Variants in WASHC2C observed in about 807,000 individuals in gnomAD.
WASHC2C encodes the protein Vaccinia Penetration Factor.
A neutral mutation model predicts 142.2 loss-of-function variants in WASHC2C; 73 were observed. The observed-to-expected ratio is 0.51, with a 90% CI of 0.43 to 0.62. The LOEUF is 0.62. Among genes scored for constraint, WASHC2C ranks in the 20% least tolerant of loss-of-function variants. The probability of loss-of-function intolerance (pLI) is 0.00; values close to 1 mark genes in which losing one functional copy is unlikely to be tolerated. For synonymous variants in WASHC2C, 337 were observed against 565.5 expected (o/e 0.60, Z 5.73); for missense variants, 969 against 1,531.7 (o/e 0.63, Z 6.13).
At chr10:45,754,911 G>A (rs1554876483) in intron 14 of WASHC2C, 25 bp from the exon 15 acceptor site, 5 of 1,611,762 alleles carry the variant, frequency 3.1e-6, no homozygotes, top group East Asian at 4.5e-5. Flanking sequence ...TCACAGCTGT[G>A]GCTGTCTTGT....
chr10:45,731,725 A>G (rs1440427459), intron 3 of WASHC2C, among the ~76,000 whole-genome samples: 1 of 152,126 alleles, frequency 6.6e-6, no homozygotes, highest in Non-Finnish European at 1.5e-5. Flanking sequence ...TAATACTGAG[A>G]AAACAGCTAA....
chr10:45,749,299 G>A (rs1317630741), intron 8 of WASHC2C, among the ~76,000 whole-genome samples: 5 of 151,154 alleles, frequency 3.3e-5, no homozygotes, highest in African/African-American at 4.9e-5. Flanking sequence ...GCCGGGCGTG[G>A]TGGCGGGTGC....
intron 20 of WASHC2C, among the ~76,000 whole-genome samples, chr10:45,771,364 C>CA (rs58095251): frequency 0.058 from 2,267 of 38,912 alleles, 101 homozygotes; most frequent in African/African-American, 0.11. Context: ...GACTCCATCT[C>CA]AAAAAAAAAA....
chr10:45,786,764 T>C, intron 27 of WASHC2C, 90 bp downstream of exon 27: 6 of 1,605,340 alleles, frequency 3.7e-6, no homozygotes, highest in Non-Finnish European at 5.1e-6. Flanking sequence ...CTGCCAAACA[T>C]CTTCTCATCT....
intron 23 of WASHC2C, 95 bp downstream of exon 23, chr10:45,779,230 C>T: frequency 1.2e-6 from 1 of 846,744 alleles, no homozygotes; most frequent in East Asian, 2.6e-5. Context: ...CTGAAGGAAT[C>T]TTAACCTTCA....
rs797033033 is a variant in WASHC2C, at chr10:45,749,851, A to ATATATATATATATATATATT, written c.733-240_733-239insATATATATATATATTTATAT. ...AAAAAAAAAAAATATATATATATATATATATTTATATATATATATATTTAT... is the reference window on the plus strand; with the variant it reads ...AAAAAAAAAAAATATATATATATATATATATATATATATATATATTTATATTTATATATATATATATTTAT... On this transcript the variant is annotated intron_variant, in intron 8 of 30. Coordinates refer to ENST00000623400, the MANE Select transcript of WASHC2C (RefSeq NM_001330074.2). Among the ~76,000 whole-genome samples, 343 of 107,988 alleles carry ATATATATATATATATATATT rather than the reference A, an allele frequency of 3.2e-3. 6 individuals are homozygous for ATATATATATATATATATATT. Among genetic ancestry groups the ATATATATATATATATATATT allele is most frequent in the African/African-American group, 0.013 (325 of 24,522 alleles). The allele number at this position is 107,988 out of a possible 152,430, so 70.8% of individuals were successfully genotyped here.
chr10:45,788,473 G>A (rs1295858272), intron 28 of WASHC2C, among the ~76,000 whole-genome samples: 14 of 152,202 alleles, frequency 9.2e-5, no homozygotes, highest in East Asian at 7.7e-4. Flanking sequence ...AGAATTCCCC[G>A]ATTCTTTCTT....
At chr10:45,758,606 C>CTTTTTTTTTTTTTTTTTTTTT (rs60416109) in intron 16 of WASHC2C, among the ~76,000 whole-genome samples, 1 of 128,172 alleles carries the variant, frequency 7.8e-6, no homozygotes, top group Non-Finnish European at 1.7e-5. Flanking sequence ...CATTCTTCTT[C>CTTTTTTTTTTTTTTTTTTTTT]TTTTTTTTTT....
In WASHC2C at chr10:45,752,637, C is replaced by G; in HGVS notation, c.1053C>G (p.Phe351Leu). Residue 351 changes from phenylalanine (F) to leucine (L), a missense_variant, in exon 12 of 31, where the codon TTC becomes TTG. By Grantham distance (22) the Phe-to-Leu change is conservative. Coordinates refer to ENST00000623400, the MANE Select transcript of WASHC2C (RefSeq NM_001330074.2). ...CCCCCAAGCTGACCGACGAGGACTT[C>G]TCGCCATTTGGCTCTGGAGGTGGCC... Reference protein sequence around the residue: ...FAPPKLTDEDFSPFGSGGGLF... With the variant: ...FAPPKLTDEDLSPFGSGGGLF... 1 of 1,609,906 alleles carries G rather than the reference C, an allele frequency of 6.2e-7. No individual in the cohort carries two copies. Among genetic ancestry groups the G allele is most frequent in the South Asian group, 1.1e-5 (1 of 90,938 alleles).
intron 5 of WASHC2C, among the ~76,000 whole-genome samples, chr10:45,742,457 G>C (rs1161901139): frequency 9.2e-5 from 14 of 151,722 alleles, no homozygotes; most frequent in African/African-American, 3.1e-4. Flanking sequence ...TGGGATTATA[G>C]GTGTGCGCCA....
chr10:45,764,906 C>T (rs2055606385), intron 18 of WASHC2C, among the ~76,000 whole-genome samples: 1 of 151,786 alleles, frequency 6.6e-6, no homozygotes, highest in Non-Finnish European at 1.5e-5. Context: ...CCGCACTCTC[C>T]TTAAAGGAGA....
intron 30 of WASHC2C, among the ~76,000 whole-genome samples, chr10:45,790,905 G>T (rs1336131160): frequency 1.3e-5 from 2 of 152,144 alleles, no homozygotes; most frequent in Non-Finnish European, 2.9e-5. Context: ...TGATGTGGTT[G>T]GTTGAGTCAG....
Position 45,787,178 on chromosome 10 carries a change from C to T in WASHC2C, c.3018C>T (p.Pro1006=), listed in dbSNP as rs202037187. ...GTCTGGAAAGTGTGCCTGTCCTTCC[C>T]GGGAGTGGGGAGGCCGGTGTGAGTT... ...SHGLESVPVL[P]GSGEAGVSFD... The change falls in exon 28 of 31, where the codon CCC becomes CCT. Residue 1006 remains proline, a synonymous_variant. Coordinates refer to ENST00000623400, the MANE Select transcript of WASHC2C (RefSeq NM_001330074.2). The T allele has an allele frequency of 5.7e-5, 88 of 1,557,084 alleles. No individual in the cohort carries two copies. The highest frequency in any genetic ancestry group is 6.9e-5 in the Non-Finnish European group (79 of 1,145,094).
At chr10:45,760,750 A>G (rs1182246079) in intron 17 of WASHC2C, among the ~76,000 whole-genome samples, 7 of 105,306 alleles carry the variant, frequency 6.6e-5, no homozygotes. Flanking sequence ...GCTAGCACAT[A>G]CCACGCTGTG....
chr10:45,773,934 G>A (rs1554885690), intron 21 of WASHC2C, among the ~76,000 whole-genome samples: 1 of 139,620 alleles, frequency 7.2e-6, no homozygotes, highest in Non-Finnish European at 1.6e-5. Flanking sequence ...ACGTAAACAT[G>A]GTGTAATTTA....
At chr10:45,743,538 A>G in intron 6 of WASHC2C, 55 bp downstream of exon 6, 1 of 1,584,198 alleles carries the variant, frequency 6.3e-7, no homozygotes, top group South Asian at 1.2e-5. Flanking sequence ...TTATTTTAAA[A>G]TAATTTCAAA....
chr10:45,736,564 C>T (rs2051303490), intron 3 of WASHC2C, among the ~76,000 whole-genome samples: 1 of 151,930 alleles, frequency 6.6e-6, no homozygotes, highest in Non-Finnish European at 1.5e-5. Flanking sequence ...CCTGCCACTG[C>T]ACTCCAGCCT....
At chr10:45,760,809 A>G (rs1390873938) in intron 17 of WASHC2C, among the ~76,000 whole-genome samples, 3 of 145,190 alleles carry the variant, frequency 2.1e-5, no homozygotes, top group Non-Finnish European at 4.5e-5. Flanking sequence ...ACGTGTTGCC[A>G]GGGACAGTGT....
At chr10:45,771,105 G>A (rs1554884440) in intron 20 of WASHC2C, among the ~76,000 whole-genome samples, 1 of 151,684 alleles carries the variant, frequency 6.6e-6, no homozygotes, top group Non-Finnish European at 1.5e-5. Flanking sequence ...AGTGGCTCAC[G>A]CCTGTAATCC....
Sources: allele counts gnomAD v4.1 joint callset (sites outside exome capture counted in the v4.1 genomes callset), GRCh38; gene constraint gnomAD v4.1.1; transcripts MANE v1.5; gene names NCBI Gene and HGNC (gene_info 2026-07-23, HGNC 2026-07-21).